The following ZNF599 variants were observed in gnomAD, a reference collection of about 807,000 sequenced individuals.
ZNF599 encodes the protein zinc finger protein 599.
Under a neutral mutation model 11.7 loss-of-function variants are expected in ZNF599, and 10 were observed. The ratio of observed to expected loss-of-function variants is 0.86; its 90% CI spans 0.53 to 1.45. The LOEUF is 1.45. ZNF599 is among the 40% of genes most tolerant of loss of function. The pLI, the probability that ZNF599 is intolerant of heterozygous loss-of-function variation, is 0.00. For missense variants in ZNF599, 688 were observed against 713.6 expected (o/e 0.96, Z 0.41); for synonymous variants, 232 against 253.2 (o/e 0.92, Z 0.79).
chr19:34,774,820 A>G (rs2069209311), upstream of ZNF599, among the ~76,000 whole-genome samples: 1 of 152,202 alleles, frequency 6.6e-6, no homozygotes. Flanking sequence ...TATGTTATGC[A>G]TCTAGTCCAG....
At chr19:34,766,432 G>A (rs1420596623) in intron 3 of ZNF599, among the ~76,000 whole-genome samples, 9 of 152,244 alleles carry the variant, frequency 5.9e-5, no homozygotes, top group African/African-American at 1.9e-4. Context: ...GTGGGATGCA[G>A]AGTGTAGTTT....
the ZNF599 span, among the ~76,000 whole-genome samples, chr19:34,792,386 G>A: frequency 6.6e-6 from 1 of 152,184 alleles, no homozygotes; most frequent in Non-Finnish European, 1.5e-5. Flanking sequence ...CAGGTGCTCA[G>A]GGAGGATTGA....
intron 3 of ZNF599, among the ~76,000 whole-genome samples, chr19:34,761,632 A>G (rs1470689896): frequency 6.6e-6 from 1 of 152,234 alleles, no homozygotes; most frequent in East Asian, 1.9e-4. Flanking sequence ...AGAAATGTAT[A>G]TATGTAACTT....
At position 34,760,289 on chromosome 19, in the gene ZNF599, C is replaced by T. The variant is rs747089170; in HGVS notation, c.512G>A (p.Arg171Gln). The T allele has an allele frequency of 1.6e-5, 26 of 1,614,056 alleles. No homozygotes were observed. Among genetic ancestry groups the T allele is most frequent in the Middle Eastern group, 1.6e-4 (1 of 6,084 alleles). Residue 171 changes from arginine to glutamine, a missense_variant, in exon 4 of 4, where the codon CGA becomes CAA. Coordinates refer to ENST00000329285, the MANE Select transcript of ZNF599 (RefSeq NM_001007248.3). ...ATGGAGAGCATCTTGTGGAGTGACTCGTTCCTGTAAAACCCTTAAGCCCAG... is the reference window on the plus strand; with the variant it reads ...ATGGAGAGCATCTTGTGGAGTGACTTGTTCCTGTAAAACCCTTAAGCCCAG... ...DSLGLRVLQE[R>Q]VTPQDALHEC...
At chr19:34,775,909 C>T (rs1047590340), upstream of ZNF599, among the ~76,000 whole-genome samples, 4 of 152,104 alleles carry the variant, frequency 2.6e-5, no homozygotes, top group South Asian at 6.2e-4. Context: ...TAAAAAGAAT[C>T]CTATTTAGAG....
the ZNF599 span, among the ~76,000 whole-genome samples, chr19:34,788,915 A>G: frequency 2.0e-5 from 3 of 152,214 alleles, no homozygotes; most frequent in Non-Finnish European, 4.4e-5. Flanking sequence ...GCTAATTAAT[A>G]TATTCCTACC....
At chr19:34,775,919 G>C (rs1467282567), upstream of ZNF599, among the ~76,000 whole-genome samples, 7 of 152,176 alleles carry the variant, frequency 4.6e-5, no homozygotes, top group Admixed American at 2.6e-4. Flanking sequence ...CCTATTTAGA[G>C]TCAAGGGAAG....
upstream of ZNF599, among the ~76,000 whole-genome samples, chr19:34,777,454 TATA>T (rs1378662924): frequency 1.0e-5 from 1 of 97,990 alleles, no homozygotes; most frequent in Non-Finnish European, 1.9e-5. Flanking sequence ...TATTAATTAA[TATA>T]TAATATATTA....
At chr19:34,771,538 T>C (rs1354812719) in intron 1 of ZNF599, among the ~76,000 whole-genome samples, 9 of 152,192 alleles carry the variant, frequency 5.9e-5, no homozygotes, top group African/African-American at 1.9e-4. Flanking sequence ...GAGAGCTCAA[T>C]GCAGCACACA....
the ZNF599 span, among the ~76,000 whole-genome samples, chr19:34,789,302 C>T: frequency 6.6e-6 from 1 of 152,178 alleles, no homozygotes; most frequent in South Asian, 2.1e-4. Flanking sequence ...TCATGAATAA[C>T]ATTGCAATGA....
At chr19:34,772,738 G>C in intron 1 of ZNF599, 86 bp downstream of exon 1, 1 of 1,531,170 alleles carries the variant, frequency 6.5e-7, no homozygotes. Flanking sequence ...GAGAAGCACA[G>C]AGTCCCGGCA....
At chr19:34,801,053 C>G in the ZNF599 span, among the ~76,000 whole-genome samples, 1 of 152,202 alleles carries the variant, frequency 6.6e-6, no homozygotes, top group Non-Finnish European at 1.5e-5. Context: ...CCTTCCACCT[C>G]TGTGTGGTAA....
At chr19:34,770,619 G>A (rs112038949) in intron 1 of ZNF599, among the ~76,000 whole-genome samples, 3,746 of 152,236 alleles carry the variant, frequency 0.025, 63 homozygotes, top group Non-Finnish European at 0.038. Flanking sequence ...CCTGAGCCAC[G>A]GTTAGCACAT....
chr19:34,800,995 T>C, the ZNF599 span, among the ~76,000 whole-genome samples: 5 of 152,262 alleles, frequency 3.3e-5, no homozygotes, highest in African/African-American at 9.6e-5. Flanking sequence ...CCTTGCTGTA[T>C]ATTCATCAGT....
At chr19:34,792,138 C>G in the ZNF599 span, among the ~76,000 whole-genome samples, 1 of 152,314 alleles carries the variant, frequency 6.6e-6, no homozygotes, top group African/African-American at 2.4e-5. Flanking sequence ...ATTCATCCCC[C>G]TCAATCTCCA....
chr19:34,787,274 C>T, the ZNF599 span, among the ~76,000 whole-genome samples: 1 of 151,526 alleles, frequency 6.6e-6, no homozygotes, highest in African/African-American at 2.4e-5. Flanking sequence ...CATCACAAGA[C>T]ACTCACATAC....
At position 34,769,462 on chromosome 19, in the gene ZNF599, T is replaced by A; in HGVS notation, c.112A>T (p.Met38Leu). Residue 38 changes from methionine (M) to leucine (L), a missense_variant, in exon 2 of 4, where the codon ATG becomes TTG. By Grantham distance (15) the Met-to-Leu change is conservative (BLOSUM62 2). Coordinates refer to ENST00000329285, the MANE Select transcript of ZNF599 (RefSeq NM_001007248.3). Reference sequence around the variant, plus strand: ...ACCAGGAGCCTGCAGGTCTCCAGCATCACCTCCTGGTACAGGGTCCTCTGG... The same window carrying A: ...ACCAGGAGCCTGCAGGTCTCCAGCAACACCTCCTGGTACAGGGTCCTCTGG... ...LAQRTLYQEV[M>L]LETCRLLVSL... 1 of 1,614,168 alleles carries A rather than the reference T, an allele frequency of 6.2e-7. No homozygotes were observed. Among genetic ancestry groups the A allele is most frequent in the Non-Finnish European group, 8.5e-7 (1 of 1,180,022 alleles).
intron 3 of ZNF599, chr19:34,765,551 C>A (rs758328502): frequency 1.4e-6 from 1 of 702,782 alleles, no homozygotes; most frequent in South Asian, 1.5e-5. Context: ...ATGGCTAATA[C>A]ACCTGAGAAG....
At chr19:34,782,968 A>G in the ZNF599 span, among the ~76,000 whole-genome samples, 65 of 151,994 alleles carry the variant, frequency 4.3e-4, no homozygotes, top group African/African-American at 1.3e-3. Context: ...CTCCTCCCCA[A>G]CTTCCCAATT....
Sources: allele counts gnomAD v4.1 joint callset (sites outside exome capture counted in the v4.1 genomes callset), GRCh38; gene constraint gnomAD v4.1.1; transcripts MANE v1.5; gene names NCBI Gene and HGNC (gene_info 2026-07-23, HGNC 2026-07-21).